The following HJV variants were observed in gnomAD, a reference collection of about 807,000 sequenced individuals.
HJV encodes hemojuvelin.
HJV carries 18 observed loss-of-function variants against 22.7 expected under a neutral mutation model. The observed-to-expected ratio is 0.79, with a 90% CI of 0.55 to 1.18. HJV has a LOEUF of 1.18. Ranked by LOEUF, HJV falls within the 50% of genes most tolerant of loss-of-function variation. The probability of loss-of-function intolerance (pLI) is 0.00; values close to 1 mark genes in which losing one functional copy is unlikely to be tolerated. For synonymous variants in HJV, 229 were observed against 222.7 expected, an observed-to-expected ratio of 1.03 and a Z score of -0.25; for missense variants, 572 against 553.0, an observed-to-expected ratio of 1.03 and a Z score of -0.34.
In HJV at chr1:146,020,240, A is replaced by G. The variant is rs1553769903; in HGVS notation, c.-9T>C. On this transcript the variant is annotated 5_prime_UTR_variant, in exon 2 of 4. Coordinates refer to ENST00000336751, the MANE Select transcript of HJV (RefSeq NM_213653.4). ...TGGCCTGGCTCCCCCATACCTATCC[A>G]GCCAGGTTTCCCAGGCGCCGGTTCT... 2 of 1,593,862 alleles carry G rather than the reference A, an allele frequency of 1.3e-6. No homozygotes were observed. The highest frequency in any genetic ancestry group is 1.7e-6 in the Non-Finnish European group (2 of 1,161,458).
At position 146,018,403 on chromosome 1, in the gene HJV, C is replaced by T. The variant is rs1553769456; in HGVS notation, c.955G>A (p.Gly319Arg). Residue 319 changes from glycine (G) to arginine (R), a missense_variant, in exon 4 of 4, where the codon GGG (glycine) becomes AGG (arginine). Transcript: ENST00000336751. Reference sequence around the variant, plus strand: ...AGTCGCTGACTTGGAGGGCACCCCCCAACACAGAGCTGCAGGTCCTGTTCA... The same window carrying T: ...AGTCGCTGACTTGGAGGGCACCCCCTAACACAGAGCTGCAGGTCCTGTTCA... ...SAEQDLQLCV[G>R]GCPPSQRLSR... 1.2e-6 allele frequency: 2 copies of T among 1,614,114 alleles called. No individual in the cohort carries two copies. The highest frequency in any genetic ancestry group is 2.2e-5 in the East Asian group (1 of 44,890).
At position 146,019,309 on chromosome 1, in the gene HJV, C is replaced by G; in HGVS notation, c.523G>C (p.Val175Leu). The G allele has an allele frequency of 6.2e-7, 1 of 1,613,880 alleles. No homozygotes were observed. The highest frequency in any genetic ancestry group is 1.1e-5 in the South Asian group (1 of 91,086). Reference protein sequence around the residue: ...LHCASFGDPHVRSFHHHFHTC... With the variant: ...LHCASFGDPHLRSFHHHFHTC... Reference sequence around the variant, plus strand: ...TGAAAGTGATGGTGGAAGCTGCGCACATGGGGGTCCCCGAAGGAAGCGCAA... The same window carrying G: ...TGAAAGTGATGGTGGAAGCTGCGCAGATGGGGGTCCCCGAAGGAAGCGCAA... The change falls in exon 3 of 4, where the codon GTG becomes CTG. Residue 175 changes from valine (V) to leucine (L), a missense_variant. Val to Leu is a conservative substitution (Grantham distance 32). Coordinates refer to ENST00000336751, the MANE Select transcript of HJV (RefSeq NM_213653.4).
At position 146,017,949 on chromosome 1, in the gene HJV, G is replaced by A; in HGVS notation, c.*128C>T. ...TCAACCCTGGACTGCAGCCTCATCT[G>A]ACTCTGGATAATGTCATTGTTTCAC... On this transcript the variant is annotated 3_prime_UTR_variant, in exon 4 of 4. Coordinates refer to ENST00000336751, the MANE Select transcript of HJV (RefSeq NM_213653.4). The A allele has an allele frequency of 9.4e-7, 1 of 1,061,834 alleles. No homozygotes were observed. Among genetic ancestry groups the A allele is most frequent in the Non-Finnish European group, 1.4e-6 (1 of 707,190 alleles). 65.8% of individuals were successfully genotyped at this position (1,061,834 alleles called of 1,614,324 possible).
Position 146,019,742 on chromosome 1 carries a change from C to T in HJV, c.98-8G>A. On this transcript the variant is annotated splice_polypyrimidine_tract_variant and splice_region_variant and intron_variant, in intron 2 of 3. Transcript: ENST00000336751. ...TCTTGCATTGAGAATGAGCTAAAGACAGAAGGGAGAGGATTGTGAGACGGT... is the reference window on the plus strand; with the variant it reads ...TCTTGCATTGAGAATGAGCTAAAGATAGAAGGGAGAGGATTGTGAGACGGT... The T allele has an allele frequency of 6.2e-7, 1 of 1,614,038 alleles. No homozygotes were observed. Among genetic ancestry groups the T allele is most frequent in the South Asian group, 1.1e-5 (1 of 91,086 alleles).
chr1:146,019,671 C>G lies in HJV; in HGVS notation c.161G>C (p.Arg54Thr). Residue 54 changes from arginine to threonine, a missense_variant, in exon 3 of 4, where the codon AGA (arginine) becomes ACA (threonine). Coordinates refer to ENST00000336751, the MANE Select transcript of HJV (RefSeq NM_213653.4). ...AAGTGCTCCTGATGAACCCCCACCT[C>G]TAAGGCTCAGAGTGGACGATACGTA... ...AEYVSSTLSL[R>T]GGGSSGALRG... The G allele has an allele frequency of 6.2e-7, 1 of 1,614,064 alleles. No homozygotes were observed. Among genetic ancestry groups the G allele is most frequent in the Non-Finnish European group, 8.5e-7 (1 of 1,179,998 alleles).
intron 2 of HJV, 90 bp downstream of exon 2, chr1:146,020,045 C>G (rs1305234131): frequency 2.2e-6 from 2 of 929,296 alleles, no homozygotes; most frequent in Admixed American, 1.8e-5. Flanking sequence ...CAGCGCCTAT[C>G]TCTCCTCACT....
intron 2 of HJV, 146 bp from the exon 3 acceptor site, chr1:146,019,880 C>A: frequency 8.0e-7 from 1 of 1,248,764 alleles, no homozygotes; most frequent in East Asian, 2.4e-5. Flanking sequence ...CCCCCAACCC[C>A]CTAGTCCCTA....
In HJV at chr1:146,018,144, A is replaced by G. The variant is rs781961780; in HGVS notation, c.1214T>C (p.Leu405Pro). Residue 405 changes from leucine to proline, a missense_variant, in exon 4 of 4, where the codon CTT (leucine) becomes CCT (proline). Physicochemically the swap from Leu to Pro is moderately conservative, Grantham distance 98 (BLOSUM62 -3). Transcript: ENST00000336751. ...HLFPSDAGVP[L>P]SSATLLAPLL... The stretch of plus-strand genomic sequence containing the variant: ...TGGAGCTAAGAGGGTTGCTGAGGAA[A>G]GAGGAACCCCAGCATCTGAGGGGAA... 22 of 1,614,058 alleles carry G rather than the reference A, an allele frequency of 1.4e-5. No homozygotes were observed. Among genetic ancestry groups the G allele is most frequent in the Non-Finnish European group, 1.9e-5 (22 of 1,180,024 alleles).
rs376448289 is a variant in HJV at position 146,018,486 on chromosome 1, G to A, written c.872C>T (p.Ala291Val). The change falls in exon 4 of 4, where the codon GCT becomes GTT. Residue 291 changes from alanine to valine, a missense_variant. Transcript: ENST00000336751. ...CTTGATGGAGAAGGAGAGCTGCCCA[G>A]CTGTCTGCCGAATGATTATAGTTGT... ...IGTTIIIRQT[A>V]GQLSFSIKVA... 3 of 1,614,232 alleles carry A rather than the reference G, an allele frequency of 1.9e-6. No individual in the cohort carries two copies. In the South Asian group the frequency reaches 3.3e-5, roughly 18 times the overall value.
intron 3 of HJV, 21 bp downstream of exon 3, chr1:146,019,154 A>C: frequency 6.3e-7 from 1 of 1,584,632 alleles, no homozygotes. Flanking sequence ...GGTGGATCGG[A>C]AGGAAGATTG....
intron 3 of HJV, 23 bp downstream of exon 3, chr1:146,019,152 G>T: frequency 6.3e-7 from 1 of 1,576,764 alleles, no homozygotes; most frequent in South Asian, 1.1e-5. Flanking sequence ...GAGGTGGATC[G>T]GAAGGAAGAT....
In HJV at chr1:146,019,549, G is replaced by A. The variant is rs374050984; in HGVS notation, c.283C>T (p.Arg95Cys). ...AAGGCGAGGTCCCCGCGGCAGGTGC[G>A]GGCGGTGCGCCGAGTGCAGAGCGCA... ...SYALCTRRTARTCRGDLAFHS... is the reference protein window; with the variant it reads ...SYALCTRRTACTCRGDLAFHS... The change falls in exon 3 of 4, where the codon CGC becomes TGC. Residue 95 changes from arginine (R) to cysteine (C), a missense_variant. By Grantham distance (180) the Arg-to-Cys change is radical. Transcript: ENST00000336751. The A allele has an allele frequency of 1.9e-6, 3 of 1,612,998 alleles. No individual in the cohort carries two copies. Among genetic ancestry groups the A allele is most frequent in the Non-Finnish European group, 8.5e-7 (1 of 1,179,956 alleles).
In HJV at chr1:146,020,156, G is replaced by A; in HGVS notation, c.76C>T (p.Leu26=). 6.2e-7 allele frequency: 1 copy of A among 1,611,386 alleles called. No individual in the cohort carries two copies. The highest frequency in any genetic ancestry group is 8.5e-7 in the Non-Finnish European group (1 of 1,177,570). The change falls in exon 2 of 4, where the codon CTG becomes TTG. Residue 26 remains leucine (L), a synonymous_variant. Coordinates refer to ENST00000336751, the MANE Select transcript of HJV (RefSeq NM_213653.4). ...TTACCATGTCCACAGAGGAGCAGCAGGAGAGTGAGAGTGCTTAGAGTTGGG... is the reference window on the plus strand; with the variant it reads ...TTACCATGTCCACAGAGGAGCAGCAAGAGAGTGAGAGTGCTTAGAGTTGGG... ...SPPTLSTLTL[L]LLLCGHAHSQ... is the part of the protein sequence containing the mutation.
chr1:146,019,761 A>G, intron 2 of HJV, 27 bp from the exon 3 acceptor site: 1 of 1,613,976 alleles, frequency 6.2e-7, no homozygotes, highest in Non-Finnish European at 8.5e-7. Context: ...GAGGATTGTG[A>G]GACGGTCCTC....
chr1:146,018,814 C>A, intron 3 of HJV, 114 bp from the exon 4 acceptor site: 1 of 1,095,750 alleles, frequency 9.1e-7, no homozygotes, highest in Non-Finnish European at 1.4e-6. Flanking sequence ...ACTACTATGG[C>A]CCTCAATCCT....
intron 2 of HJV, 95 bp from the exon 3 acceptor site, chr1:146,019,829 G>A (rs1652607468): frequency 3.8e-6 from 6 of 1,599,978 alleles, no homozygotes; most frequent in Non-Finnish European, 5.1e-6. Flanking sequence ...CTCATCAGGG[G>A]TTTCCAGCCT....
At position 146,021,065 on chromosome 1, in the gene HJV, C is replaced by T. The variant is rs190531991; in HGVS notation, c.-90+522G>A. Among the ~76,000 whole-genome samples the T allele has an allele frequency of 1.2e-4, 19 of 152,270 alleles. No individual in the cohort carries two copies. In the East Asian group the frequency reaches 3.7e-3, roughly 29 times the overall value. On this transcript the variant is annotated intron_variant, in intron 1 of 3. Coordinates refer to ENST00000336751, the MANE Select transcript of HJV (RefSeq NM_213653.4). The stretch of plus-strand genomic sequence containing the variant: ...GACAGGAGTTGGAGAGGGGCTAAAT[C>T]CCTCCTGCCTAACTCCCCTATCTTA...
intron 2 of HJV, 79 bp downstream of exon 2, chr1:146,020,056 C>T: frequency 1.0e-6 from 1 of 981,070 alleles, no homozygotes; most frequent in South Asian, 1.3e-5. Flanking sequence ...TCTCCTCACT[C>T]ATTCAGGCTC....
At chr1:146,018,756 A>G (rs765010936) in intron 3 of HJV, 56 bp from the exon 4 acceptor site, 34 of 1,559,558 alleles carry the variant, frequency 2.2e-5, no homozygotes, top group South Asian at 5.6e-5. Context: ...CTTCCCCCCA[A>G]TCAGACCTCA....
Sources: gnomAD v4.1 joint callset for allele counts (sites outside exome capture counted in the v4.1 genomes callset) on GRCh38, gnomAD v4.1.1 for gene constraint, MANE v1.5 for transcripts, NCBI Gene and HGNC (gene_info 2026-07-23, HGNC 2026-07-21) for gene names.